The following F5 variants were observed in gnomAD, a reference collection of about 807,000 sequenced individuals.
The protein encoded by F5 is activated protein c cofactor.
F5 carries 138 observed loss-of-function variants against 216.4 expected under a neutral mutation model. The ratio of observed to expected loss-of-function variants is 0.64; its 90% confidence interval spans 0.56 to 0.73. F5 has a LOEUF of 0.73. Ranked by LOEUF, F5 falls within the 30% of genes least tolerant of loss-of-function variation. The probability of loss-of-function intolerance (pLI) is 0.00; values close to 1 mark genes in which losing one functional copy is unlikely to be tolerated. For missense variants in F5, 2,403 were observed against 2,674.0 expected (o/e 0.90, Z 2.24); for synonymous variants, 916 against 930.7 (o/e 0.98, Z 0.29).
chr1:169,520,768 G>A, intron 21 of F5, 104 bp from the exon 22 acceptor site: 1 of 936,986 alleles, frequency 1.1e-6, no homozygotes, highest in Non-Finnish European at 1.6e-6. Flanking sequence ...ATTTTCATGG[G>A]GTCCAAACTA....
In F5 at chr1:169,530,807, G is replaced by A; in HGVS notation, c.5187C>T (p.Ala1729=). 6.2e-7 allele frequency: 1 copy of A among 1,613,906 alleles called. No individual in the cohort carries two copies. Among genetic ancestry groups the A allele is most frequent in the Non-Finnish European group, 8.5e-7 (1 of 1,179,806 alleles). The change falls in exon 15 of 25, where the codon GCC becomes GCT. Residue 1729 remains alanine (A), a synonymous_variant. Coordinates refer to ENST00000367797, the MANE Select transcript of F5 (RefSeq NM_000130.5). The stretch of plus-strand genomic sequence containing the variant: ...CTACTGGGTTCACAGCTGAGTAGTA[G>A]GCCCAAGCCCGACAGGCAGAGCCAG... ...ESPGSACRAW[A]YYSAVNPEKD...
At position 169,518,337 on chromosome 1, in the gene F5, C is replaced by A. The variant is rs958968876; in HGVS notation, c.6345+75G>T. The A allele has an allele frequency of 5.5e-5, 85 of 1,548,152 alleles. No homozygotes were observed. In the Middle Eastern group the frequency reaches 9.8e-4, roughly 18 times the overall value. On this transcript the variant is annotated intron_variant, in intron 23 of 24. Coordinates refer to ENST00000367797, the MANE Select transcript of F5 (RefSeq NM_000130.5). ...AAAATACTCCTGCTTCCCAGATCCT[C>A]CATGTTTGTGGTAGTGAGGGCCTTT... is the stretch of plus-strand genomic sequence containing the variant.
chr1:169,561,118 G>T (rs1377718033), intron 3 of F5, among the ~76,000 whole-genome samples: 4 of 152,092 alleles, frequency 2.6e-5, no homozygotes, highest in Non-Finnish European at 5.9e-5. Flanking sequence ...TATCTTCTTT[G>T]TGGTGTTTAA....
intron 3 of F5, among the ~76,000 whole-genome samples, chr1:169,567,483 G>T (rs1216333462): frequency 1.3e-5 from 2 of 151,132 alleles, no homozygotes; most frequent in Admixed American, 6.6e-5. Context: ...CCAATCCATT[G>T]TAGTGATGTA....
intron 5 of F5, 128 bp downstream of exon 5, chr1:169,559,025 A>T: frequency 5.1e-6 from 5 of 971,622 alleles, no homozygotes; most frequent in African/African-American, 3.3e-5. Context: ...AAGAGAAAAT[A>T]TTTCCTTCTT....
chr1:169,534,002 A>T (rs1659647013), intron 14 of F5, among the ~76,000 whole-genome samples: 1 of 152,134 alleles, frequency 6.6e-6, no homozygotes, highest in Non-Finnish European at 1.5e-5. Flanking sequence ...GTAGTTAAAG[A>T]TCGACCCGTG....
chr1:169,528,896 A>G (rs918313185), intron 16 of F5, among the ~76,000 whole-genome samples: 8 of 152,176 alleles, frequency 5.3e-5, no homozygotes, highest in Non-Finnish European at 1.2e-4. Context: ...GAATTTTTGG[A>G]GAGGGACGGG....
rs771496715 is a variant in F5, at chr1:169,515,495, C to T, written c.6477G>A (p.Glu2159=). 5.0e-5 allele frequency: 81 copies of T among 1,613,472 alleles called. No individual in the cohort carries two copies. Among genetic ancestry groups the T allele is most frequent in the Non-Finnish European group, 8.5e-6 (10 of 1,179,670 alleles). ...TGTATGGTTTCCATTCCACTCCCTG[C>T]TCACTGTAGTGGATGGTATAGCTCT... is the stretch of plus-strand genomic sequence containing the variant. ...YVKSYTIHYS[E]QGVEWKPYRL... is the part of the protein sequence containing the mutation. The change falls in exon 24 of 25, where the codon GAG becomes GAA. Residue 2159 remains glutamate (E), a synonymous_variant. Transcript: ENST00000367797.
intron 16 of F5, among the ~76,000 whole-genome samples, 153 bp from the exon 17 acceptor site, chr1:169,528,247 T>C (rs906229626): frequency 6.6e-6 from 1 of 152,186 alleles, no homozygotes; most frequent in African/African-American, 2.4e-5. Context: ...CTCTTGTATG[T>C]CACATTAGTG....
chr1:169,551,519 C>T (rs1204555805), intron 8 of F5, among the ~76,000 whole-genome samples: 1 of 152,074 alleles, frequency 6.6e-6, no homozygotes, highest in Non-Finnish European at 1.5e-5. Flanking sequence ...TAAGGTATGT[C>T]TACACTTGCT....
In F5 at chr1:169,541,937, T is replaced by G. The variant is rs532176510; in HGVS notation, c.3153A>C (p.Leu1051=). The part of the protein sequence containing the change: ...APLSPRTFHP[L]RSEAYNTFSE... ...AAAATGTGTTGTAGGCTTCACTTCT[T>G]AGAGGGTGAAAGGTCCTCGGAGATA... Residue 1051 remains leucine, a synonymous_variant, in exon 13 of 25, where the codon CTA becomes CTC. Coordinates refer to ENST00000367797, the MANE Select transcript of F5 (RefSeq NM_000130.5). 1 of 1,614,142 alleles carries G rather than the reference T, an allele frequency of 6.2e-7. No individual in the cohort carries two copies. Among genetic ancestry groups the G allele is most frequent in the South Asian group, 1.1e-5 (1 of 91,080 alleles).
chr1:169,520,443 T>C (rs560349595), intron 22 of F5, 77 bp downstream of exon 22: 2 of 1,578,110 alleles, frequency 1.3e-6, no homozygotes, highest in African/African-American at 2.7e-5. Flanking sequence ...AACTAAAAAT[T>C]CTACTCATTC....
intron 14 of F5, among the ~76,000 whole-genome samples, chr1:169,532,397 G>A (rs562600428): frequency 3.3e-5 from 5 of 152,236 alleles, no homozygotes; most frequent in Admixed American, 6.5e-5. Flanking sequence ...AAGAAAAGAA[G>A]TTAAAGTATC....
chr1:169,536,426 T>G, intron 14 of F5, 80 bp downstream of exon 14: 1 of 1,190,950 alleles, frequency 8.4e-7, no homozygotes. Flanking sequence ...CCTATAGCTC[T>G]CTTGCCACCT....
intron 2 of F5, among the ~76,000 whole-genome samples, chr1:169,580,156 A>G (rs934378883): frequency 5.3e-5 from 8 of 152,172 alleles, no homozygotes; most frequent in Admixed American, 4.6e-4. Context: ...CTATCAATCT[A>G]GAAATAGAAA....
intron 2 of F5, among the ~76,000 whole-genome samples, chr1:169,574,681 A>C (rs896048888): frequency 6.6e-6 from 1 of 152,238 alleles, no homozygotes; most frequent in Non-Finnish European, 1.5e-5. Context: ...AGATATTAAG[A>C]TCCTCATTTT....
chr1:169,556,815 G>C lies in F5; in HGVS notation c.783C>G (p.Ser261Arg). 1 of 1,614,114 alleles carries C rather than the reference G, an allele frequency of 6.2e-7. No homozygotes were observed. The highest frequency in any genetic ancestry group is 8.5e-7 in the Non-Finnish European group (1 of 1,180,004). ...GAATGGAGAATAATTCTGGCCCCGAGCTCATTCCCAGCAGATGCCAGCTGA... is the reference window on the plus strand; with the variant it reads ...GAATGGAGAATAATTCTGGCCCCGACCTCATTCCCAGCAGATGCCAGCTGA... ...DHISWHLLGM[S>R]SGPELFSIHF... is the part of the protein sequence containing the mutation. Residue 261 changes from serine to arginine, a missense_variant, in exon 6 of 25, where the codon AGC (serine) becomes AGG (arginine). Physicochemically the swap from Ser to Arg is moderately radical, Grantham distance 110. Coordinates refer to ENST00000367797, the MANE Select transcript of F5 (RefSeq NM_000130.5).
At chr1:169,546,331 G>T in intron 11 of F5, 111 bp downstream of exon 11, 1 of 1,281,868 alleles carries the variant, frequency 7.8e-7, no homozygotes, top group Non-Finnish European at 1.1e-6. Flanking sequence ...AGTGAGGATT[G>T]GAGGTGCCCC....
intron 7 of F5, among the ~76,000 whole-genome samples, chr1:169,554,715 G>A (rs1660270114): frequency 6.6e-6 from 1 of 152,220 alleles, no homozygotes; most frequent in African/African-American, 2.4e-5. Context: ...AACAGATGAT[G>A]TCATCTGGAC....
Sources: gnomAD v4.1 joint callset for allele counts (sites outside exome capture counted in the v4.1 genomes callset) on GRCh38, gnomAD v4.1.1 for gene constraint, MANE v1.5 for transcripts, NCBI Gene and HGNC (gene_info 2026-07-23, HGNC 2026-07-21) for gene names.